EBF2: variants seen among roughly 807,000 people sequenced by gnomAD.
EBF2 encodes the protein transcription factor COE2.
In EBF2, 21 loss-of-function variants were observed where a neutral mutation model predicts 72.8. The observed-to-expected ratio is 0.29, with a 90% CI of 0.20 to 0.42. The LOEUF is 0.42. Ranked by LOEUF, EBF2 falls within the 10% of genes least tolerant of loss-of-function variation. The pLI is 1.00. For synonymous variants in EBF2, 299 were observed against 274.2 expected (o/e 1.09, Z -0.89); for missense variants, 637 against 731.2 (o/e 0.87, Z 1.49).
intron 14 of EBF2, 57 bp downstream of exon 14, chr8:25,858,262 T>C: frequency 1.2e-6 from 2 of 1,600,774 alleles, no homozygotes; most frequent in African/African-American, 1.3e-5. Context: ...AAAGGCCCAA[T>C]AGTAAAACCC....
intron 15 of EBF2, among the ~76,000 whole-genome samples, chr8:25,847,829 T>G (rs1035131054): frequency 1.3e-5 from 2 of 152,152 alleles, no homozygotes; most frequent in African/African-American, 4.8e-5. Context: ...CTTTTTAGGC[T>G]ACTGCCCTAA....
intron 6 of EBF2, among the ~76,000 whole-genome samples, chr8:26,001,689 C>T (rs1342108810): frequency 1.3e-5 from 2 of 152,084 alleles, no homozygotes; most frequent in Admixed American, 1.3e-4. Flanking sequence ...GCTGGGATTA[C>T]AGGGACGCGC....
chr8:26,003,513 G>A (rs970777340), intron 6 of EBF2, among the ~76,000 whole-genome samples: 6 of 152,102 alleles, frequency 3.9e-5, no homozygotes, highest in Non-Finnish European at 2.9e-5. Flanking sequence ...AATCAGATCC[G>A]GCTTCAGGAC....
At chr8:26,003,346 T>G (rs1804772932) in intron 6 of EBF2, among the ~76,000 whole-genome samples, 1 of 152,314 alleles carries the variant, frequency 6.6e-6, no homozygotes, top group African/African-American at 2.4e-5. Flanking sequence ...TACTAGATTA[T>G]TTTCTGTGAG....
Position 26,044,751 on chromosome 8 carries a change from C to T in EBF2, c.109G>A (p.Asp37Asn), listed in dbSNP as rs773581473. 9 of 1,614,176 alleles carry T rather than the reference C, an allele frequency of 5.6e-6. No individual in the cohort carries two copies. Among genetic ancestry groups the T allele is most frequent in the Non-Finnish European group, 6.8e-6 (8 of 1,180,020 alleles). Reference sequence around the variant, plus strand: ...TACCTCTGCGCGGCGACATTAGCGTCCACCACTCCGACATTCCGGACCCAG... The same window carrying T: ...TACCTCTGCGCGGCGACATTAGCGTTCACCACTCCGACATTCCGGACCCAG... ...RSWVRNVGVV[D>N]ANVAAQSGVA... Residue 37 changes from aspartate (D) to asparagine (N), a missense_variant, in exon 1 of 16, where the codon GAC (aspartate) becomes AAC (asparagine). By Grantham distance (23) the Asp-to-Asn change is conservative. Coordinates refer to ENST00000520164, the MANE Select transcript of EBF2 (RefSeq NM_022659.4). This position sits in a 1 kb window ranked among gnomAD's most constrained non-coding sequence, Gnocchi z 4.1.
intron 8 of EBF2, among the ~76,000 whole-genome samples, chr8:25,889,225 G>A (rs1158956740): frequency 6.6e-6 from 1 of 152,076 alleles, no homozygotes; most frequent in Non-Finnish European, 1.5e-5. Flanking sequence ...TATCTTCATC[G>A]ATATACTTTA....
intron 11 of EBF2, among the ~76,000 whole-genome samples, chr8:25,862,210 T>C (rs1802223535): frequency 1.3e-5 from 2 of 152,204 alleles, no homozygotes; most frequent in Admixed American, 1.3e-4. Flanking sequence ...GCTAACAACA[T>C]GGGCCAAATT....
chr8:25,997,675 T>C (rs973187389), intron 6 of EBF2, among the ~76,000 whole-genome samples: 2 of 151,828 alleles, frequency 1.3e-5, no homozygotes, highest in African/African-American at 4.8e-5. Context: ...GAAGCTAGAG[T>C]TCTAGACCTG....
At chr8:25,971,547 CAGA>C (rs1408641151) in intron 6 of EBF2, among the ~76,000 whole-genome samples, 1 of 152,024 alleles carries the variant, frequency 6.6e-6, no homozygotes, top group African/African-American at 2.4e-5. Context: ...TAGGAGGGCC[CAGA>C]AGGAGTCGTT....
chr8:25,850,114 A>T (rs565519483), intron 15 of EBF2, among the ~76,000 whole-genome samples: 5 of 152,234 alleles, frequency 3.3e-5, no homozygotes, highest in African/African-American at 1.2e-4. Flanking sequence ...TTTTTAAAAA[A>T]ATTTGATTAT....
intron 5 of EBF2, among the ~76,000 whole-genome samples, chr8:26,037,877 C>G (rs1252739884): frequency 6.6e-6 from 1 of 152,176 alleles, no homozygotes; most frequent in Non-Finnish European, 1.5e-5. Context: ...CCATTCAAAG[C>G]TAAACACAGA....
chr8:25,851,322 C>T (rs4316162), intron 14 of EBF2, among the ~76,000 whole-genome samples: 73,046 of 151,568 alleles, frequency 0.48, 18,749 homozygotes, highest in African/African-American at 0.65. Context: ...ATTCAGAAAA[C>T]CGTCTTCCTC....
At chr8:25,963,431 C>T (rs1804066198) in intron 6 of EBF2, among the ~76,000 whole-genome samples, 1 of 152,192 alleles carries the variant, frequency 6.6e-6, no homozygotes. Context: ...AGCAGGTGCA[C>T]AATACTTCTT....
intron 7 of EBF2, among the ~76,000 whole-genome samples, chr8:25,904,270 G>A (rs1024801590): frequency 2.7e-5 from 4 of 148,164 alleles, no homozygotes; most frequent in African/African-American, 9.9e-5. Context: ...AGGGTTAAAA[G>A]GGTTAAAACC....
rs1166276344 is a variant in EBF2, at chr8:26,017,277, C to T, written c.551+15808G>A. 2.0e-5 allele frequency among the ~76,000 whole-genome samples: 3 copies of T among 152,148 alleles called. 1 individual carries two copies. Among genetic ancestry groups the T allele is most frequent in the Admixed American group, 1.3e-4 (2 of 15,286 alleles). On this transcript the variant is annotated intron_variant, in intron 6 of 15. Coordinates refer to ENST00000520164, the MANE Select transcript of EBF2 (RefSeq NM_022659.4). ...ACCCTGTCTAAATACCCAAAAGACC[C>T]CAGAAGTTGTGTTGCTCTGTGACTA...
intron 6 of EBF2, among the ~76,000 whole-genome samples, chr8:25,998,448 C>T (rs891506442): frequency 6.6e-6 from 1 of 152,056 alleles, no homozygotes; most frequent in Non-Finnish European, 1.5e-5. Context: ...GGACACCAGC[C>T]GTAGGAAGAA....
chr8:25,887,609 T>G (rs900443972), intron 9 of EBF2, among the ~76,000 whole-genome samples: 1 of 152,154 alleles, frequency 6.6e-6, no homozygotes, highest in Non-Finnish European at 1.5e-5. Context: ...CATTCGAATT[T>G]TTTCAAAACA....
chr8:26,021,474 C>T (rs1025926597), intron 6 of EBF2, among the ~76,000 whole-genome samples: 56 of 152,194 alleles, frequency 3.7e-4, no homozygotes, highest in African/African-American at 1.3e-3. Flanking sequence ...TCTTCCCCCT[C>T]CACAGGCTGA....
chr8:25,982,353 G>A (rs1415411222), intron 6 of EBF2, among the ~76,000 whole-genome samples: 1 of 152,206 alleles, frequency 6.6e-6, no homozygotes, highest in Non-Finnish European at 1.5e-5. Flanking sequence ...GTGGGACTGA[G>A]CCTGAACACT....
Sources: gnomAD v4.1 joint callset for allele counts (sites outside exome capture counted in the v4.1 genomes callset) on GRCh38, gnomAD v4.1.1 for gene constraint, Gnocchi (gnomAD v3.1) non-coding constraint, MANE v1.5 for transcripts, NCBI Gene and HGNC (gene_info 2026-07-23, HGNC 2026-07-21) for gene names.